The following ATXN2 variants were observed in gnomAD, a reference collection of about 807,000 sequenced individuals.
ATXN2 encodes the protein ataxin-2.
A neutral mutation model predicts 138.6 loss-of-function variants in ATXN2; 37 were observed. The ratio of observed to expected loss-of-function variants is 0.27; its 90% CI spans 0.21 to 0.35. The LOEUF (loss-of-function observed/expected upper bound fraction) is 0.35, where lower values mean the gene tolerates loss of function less well. Ranked by LOEUF, ATXN2 falls within the 10% of genes least tolerant of loss-of-function variation. ATXN2 has a pLI of 1.00. For synonymous variants in ATXN2, 549 were observed against 543.7 expected (o/e 1.01, Z -0.13); for missense variants, 1,216 against 1,480.3 (o/e 0.82, Z 2.93).
At chr12:111,560,612 G>A (rs768366011) in intron 1 of ATXN2, among the ~76,000 whole-genome samples, 23 of 152,080 alleles carry the variant, frequency 1.5e-4, no homozygotes, top group Admixed American at 2.6e-4. Flanking sequence ...CACTGTACAG[G>A]GAGGGAAGAA....
In ATXN2 at chr12:111,457,250, T is replaced by C. The variant is rs117808303; in HGVS notation, c.3006A>G (p.Gln1002=). The C allele has an allele frequency of 1.2e-4, 188 of 1,614,124 alleles. No individual in the cohort carries two copies. The East Asian group carries it at 4.0e-3, about 34-fold the overall frequency. ...SATPTGQQQS[Q]HGGSHPAPSP... is the part of the protein sequence containing the mutation. ...TGGGTGCAGGATGACTTCCACCATG[T>C]TGGCTTTGCTGCTGTCCAGTGGGGG... Residue 1002 remains glutamine, a synonymous_variant, in exon 22 of 25, where the codon CAA becomes CAG. Coordinates refer to ENST00000673436, the MANE Select transcript of ATXN2 (RefSeq NM_001372574.1).
chr12:111,538,221 A>C (rs1881301100), intron 5 of ATXN2, among the ~76,000 whole-genome samples: 2 of 152,194 alleles, frequency 1.3e-5, no homozygotes, highest in South Asian at 4.1e-4. Context: ...TATCCTATTT[A>C]AGTAATAAAA....
At chr12:111,466,201 TA>T (rs770117015) in intron 20 of ATXN2, among the ~76,000 whole-genome samples, 155 of 119,158 alleles carry the variant, frequency 1.3e-3, no homozygotes, top group East Asian at 1.5e-3. Context: ...AAATAAAAAA[TA>T]AAAAAAAAAA....
At position 111,520,037 on chromosome 12, in the gene ATXN2, T is replaced by C; in HGVS notation, c.828A>G (p.Lys276=). 2 of 1,614,052 alleles carry C rather than the reference T, an allele frequency of 1.2e-6. No homozygotes were observed. Among genetic ancestry groups the C allele is most frequent in the Non-Finnish European group, 1.7e-6 (2 of 1,180,022 alleles). ...CTAACTGGTTTGCCCTTGCTTCCCG[T>C]TTTAAAAATTCTTCTGAGTTATCTC... is the stretch of plus-strand genomic sequence containing the variant. ...LERDNSEEFL[K]REARANQLAE... Residue 276 remains lysine (K), a synonymous_variant, in exon 8 of 25, where the codon AAA becomes AAG. Transcript: ENST00000673436.
At chr12:111,481,651 A>G (rs564065411) in intron 18 of ATXN2, among the ~76,000 whole-genome samples, 20 of 152,220 alleles carry the variant, frequency 1.3e-4, no homozygotes, top group Admixed American at 1.1e-3. Flanking sequence ...CTAAGGCCAC[A>G]TGAAAAAAAA....
intron 5 of ATXN2, among the ~76,000 whole-genome samples, chr12:111,541,867 A>G (rs1881540865): frequency 6.8e-6 from 1 of 146,356 alleles, no homozygotes; most frequent in Non-Finnish European, 1.5e-5. Flanking sequence ...ACCTCCACCT[A>G]CGGGGTTCGA....
intron 22 of ATXN2, among the ~76,000 whole-genome samples, chr12:111,456,617 G>A (rs944716706): frequency 3.3e-5 from 5 of 152,126 alleles, no homozygotes; most frequent in Admixed American, 1.3e-4. Flanking sequence ...ATAAACCTTA[G>A]AAATTAAAAA....
Position 111,593,114 on chromosome 12 carries a change from G to A in ATXN2, c.251+5670C>T, listed in dbSNP as rs184510411. On this transcript the variant is annotated intron_variant, in intron 1 of 24. Coordinates refer to ENST00000673436, the MANE Select transcript of ATXN2 (RefSeq NM_001372574.1). ...TTTGTTTGTTTTGAGACAGAGTCTC[G>A]CTCTGTTGCCCAGGCTGGAGTGTAA... Among the ~76,000 whole-genome samples the A allele has an allele frequency of 4.6e-4, 70 of 151,756 alleles. 1 individual carries two copies. Among genetic ancestry groups the A allele is most frequent in the Middle Eastern group, 3.4e-3 (1 of 294 alleles).
chr12:111,530,420 G>A (rs939452188), intron 5 of ATXN2, among the ~76,000 whole-genome samples: 3 of 152,228 alleles, frequency 2.0e-5, no homozygotes. Context: ...AAGTGACAGT[G>A]ACAGCCTATC....
chr12:111,501,162 A>G (rs1878739244), intron 14 of ATXN2, among the ~76,000 whole-genome samples: 1 of 152,224 alleles, frequency 6.6e-6, no homozygotes, highest in South Asian at 2.1e-4. Context: ...AAAAAAATAA[A>G]AACCTTTAAA....
chr12:111,517,417 G>A (rs1325791621), intron 9 of ATXN2, among the ~76,000 whole-genome samples: 1 of 152,108 alleles, frequency 6.6e-6, no homozygotes, highest in African/African-American at 2.4e-5. Context: ...GAAAACAAAT[G>A]AAATTGGAAA....
intron 1 of ATXN2, among the ~76,000 whole-genome samples, chr12:111,563,882 C>T (rs916979890): frequency 5.3e-5 from 8 of 152,076 alleles, no homozygotes; most frequent in African/African-American, 1.2e-4. Context: ...ATCAAATATA[C>T]GATGCTGTTT....
At chr12:111,454,774 C>T (rs567095039) in intron 23 of ATXN2, 1 of 436,090 alleles carries the variant, frequency 2.3e-6, no homozygotes, top group South Asian at 2.6e-5. Flanking sequence ...ACCTTTTTGC[C>T]CTTTCAGCAC....
intron 20 of ATXN2, chr12:111,469,601 T>C (rs542598592): frequency 4.2e-5 from 6 of 142,152 alleles, no homozygotes; most frequent in Non-Finnish European, 7.3e-5. Flanking sequence ...GTCTAAAATA[T>C]ATCTAATATG....
At chr12:111,509,240 C>T (rs1267769991) in intron 14 of ATXN2, among the ~76,000 whole-genome samples, 2 of 152,068 alleles carry the variant, frequency 1.3e-5, no homozygotes, top group Non-Finnish European at 2.9e-5. Flanking sequence ...AATGACTTGG[C>T]CTTGCTCTAC....
chr12:111,510,819 A>C, intron 11 of ATXN2: 1 of 313,202 alleles, frequency 3.2e-6, no homozygotes, highest in Non-Finnish European at 5.9e-6. Context: ...TCCTAACTAA[A>C]TGTATCAAGT....
intron 20 of ATXN2, among the ~76,000 whole-genome samples, chr12:111,468,093 C>G (rs577161588): frequency 6.6e-6 from 1 of 152,334 alleles, no homozygotes; most frequent in Admixed American, 6.5e-5. Flanking sequence ...ATGATGTATT[C>G]ACCAGAAATG....
At position 111,453,059 on chromosome 12, in the gene ATXN2, C is replaced by G. The variant is rs1874787690; in HGVS notation, c.3440-219G>C. On this transcript the variant is annotated intron_variant, in intron 24 of 24. Transcript: ENST00000673436. This position sits in a 1 kb window ranked among gnomAD's most constrained non-coding sequence, Gnocchi z 5.4. ...CGTAAAACCACTTCAGATAAAACTC[C>G]CAGAAGACTTGTTCATGGGGTAGAA... 1 of 1,292,306 alleles carries G rather than the reference C, an allele frequency of 7.7e-7. No individual in the cohort carries two copies. Among genetic ancestry groups the G allele is most frequent in the African/African-American group, 1.5e-5 (1 of 65,892 alleles). The allele number at this position is 1,292,306 out of a possible 1,614,324, so 80.1% of individuals were successfully genotyped here. A position where few individuals can be genotyped will look rare whatever the true frequency, so the allele number is the denominator to read the frequency against.
At chr12:111,584,377 CAAAAAAAAAAAAAAAA>C (rs58678794) in intron 1 of ATXN2, among the ~76,000 whole-genome samples, 19 of 44,750 alleles carry the variant, frequency 4.2e-4, no homozygotes, top group Middle Eastern at 0.042. Context: ...GACCCTGTCT[CAAAAAAAAAAAAAAAA>C]AAAAAAAAAA....
Sources: allele counts gnomAD v4.1 joint callset (sites outside exome capture counted in the v4.1 genomes callset), GRCh38; gene constraint gnomAD v4.1.1; non-coding constraint Gnocchi (gnomAD v3.1); transcripts MANE v1.5; gene names NCBI Gene and HGNC (gene_info 2026-07-23, HGNC 2026-07-21).